Variants in ITGB3BP observed in about 807,000 individuals in gnomAD.
The protein encoded by ITGB3BP is integrin subunit beta 3 binding protein, also known as centromere protein R.
In ITGB3BP, 27 loss-of-function variants were observed where a neutral mutation model predicts 29.1. That is an observed-to-expected ratio of 0.93 (90% CI 0.68 to 1.28). The LOEUF is 1.28. Among genes scored for constraint, ITGB3BP ranks in the 50% most tolerant of loss-of-function variants. ITGB3BP has a pLI of 0.00. For missense variants in ITGB3BP, 192 were observed against 200.2 expected (o/e 0.96, Z 0.25); for synonymous variants, 61 against 61.4 (o/e 0.99, Z 0.03).
Position 63,454,853 on chromosome 1 carries a change from C to T in ITGB3BP, c.333+37G>A, listed in dbSNP as rs1644909515. The T allele has an allele frequency of 2.1e-6, 2 of 936,742 alleles. No individual in the cohort carries two copies. Among genetic ancestry groups the T allele is most frequent in the East Asian group, 2.4e-5 (1 of 40,936 alleles). The allele number at this position is 936,742 out of a possible 1,614,324, so 58.0% of individuals were successfully genotyped here. The stretch of plus-strand genomic sequence containing the variant: ...TCTGGGACACTTCTTTCATTTTATC[C>T]TTTTCAAACAGGGTAGAAGTATGAA... On this transcript the variant is annotated intron_variant, in intron 5 of 8. Coordinates refer to ENST00000271002, the MANE Select transcript of ITGB3BP (RefSeq NM_014288.5). This position sits in a 1 kb window ranked among gnomAD's most constrained non-coding sequence, Gnocchi z 4.1.
intron 4 of ITGB3BP, among the ~76,000 whole-genome samples, chr1:63,468,732 A>G (rs1399445509): frequency 6.6e-6 from 1 of 152,106 alleles, no homozygotes; most frequent in Non-Finnish European, 1.5e-5. Flanking sequence ...GTGGTTGCGC[A>G]TGCCTGTAAT....
intron 1 of ITGB3BP, among the ~76,000 whole-genome samples, chr1:63,517,381 T>A (rs886577417): frequency 2.0e-5 from 3 of 150,636 alleles, no homozygotes; most frequent in Non-Finnish European, 3.0e-5. Context: ...AGTATAATAA[T>A]AAAAAAATAA....
chr1:63,512,003 G>A (rs1394315944), intron 1 of ITGB3BP, among the ~76,000 whole-genome samples: 1 of 151,834 alleles, frequency 6.6e-6, no homozygotes, highest in South Asian at 2.1e-4. Context: ...TCTACTTATT[G>A]TGTCCTAATT....
At chr1:63,512,414 A>C (rs573381155) in intron 1 of ITGB3BP, among the ~76,000 whole-genome samples, 4 of 152,202 alleles carry the variant, frequency 2.6e-5, no homozygotes, top group Admixed American at 1.3e-4. Flanking sequence ...GGAAAAAAAA[A>C]CCCTATCATT....
chr1:63,513,732 T>A (rs1646251895), intron 1 of ITGB3BP, among the ~76,000 whole-genome samples: 1 of 152,124 alleles, frequency 6.6e-6, no homozygotes, highest in South Asian at 2.1e-4. Flanking sequence ...AATTTGAAAT[T>A]CCTCCATCCA....
At chr1:63,523,454 C>T (rs577497884), upstream of ITGB3BP, 5 of 436,372 alleles carry the variant, frequency 1.1e-5, no homozygotes, top group East Asian at 2.2e-4. Flanking sequence ...TCCGGATCAG[C>T]GCTTCCTAGA....
intron 2 of ITGB3BP, among the ~76,000 whole-genome samples, chr1:63,502,461 T>A (rs1645955497): frequency 6.6e-6 from 1 of 151,910 alleles, no homozygotes; most frequent in Non-Finnish European, 1.5e-5. Context: ...GCACTTACAG[T>A]TCCACAAGGC....
chr1:63,506,108 G>T (rs1181193828), intron 2 of ITGB3BP, among the ~76,000 whole-genome samples: 1 of 152,178 alleles, frequency 6.6e-6, no homozygotes, highest in East Asian at 1.9e-4. Context: ...AATGTTGACA[G>T]TGGGTTGTTA....
chr1:63,497,594 A>C (rs1311202948), intron 2 of ITGB3BP, among the ~76,000 whole-genome samples: 1 of 152,230 alleles, frequency 6.6e-6, no homozygotes, highest in Non-Finnish European at 1.5e-5. Context: ...AATGTATCTA[A>C]GTCACTCAGG....
chr1:63,487,550 C>G (rs929137961), intron 3 of ITGB3BP, among the ~76,000 whole-genome samples: 4 of 152,038 alleles, frequency 2.6e-5, no homozygotes, highest in African/African-American at 9.7e-5. Context: ...TAACCTACCA[C>G]ACACCTAGTG....
intron 1 of ITGB3BP, among the ~76,000 whole-genome samples, chr1:63,520,490 T>A (rs1646422211): frequency 6.6e-6 from 1 of 152,174 alleles, no homozygotes; most frequent in African/African-American, 2.4e-5. Context: ...GCAGCATTTA[T>A]CTAATTCATC....
At chr1:63,473,419 C>T (rs1570187223) in intron 4 of ITGB3BP, among the ~76,000 whole-genome samples, 1 of 142,756 alleles carries the variant, frequency 7.0e-6, no homozygotes. Context: ...GCCGCCCCTA[C>T]TGGGAAGTGA....
At chr1:63,447,554 T>C (rs780602916) in intron 7 of ITGB3BP, 3 of 483,886 alleles carry the variant, frequency 6.2e-6, no homozygotes, top group Non-Finnish European at 1.2e-5. Context: ...GATGAAGCAA[T>C]TTAGCTTTAC....
chr1:63,527,706 T>C (rs1375064029), upstream of ITGB3BP, among the ~76,000 whole-genome samples: 1 of 152,212 alleles, frequency 6.6e-6, no homozygotes, highest in Non-Finnish European at 1.5e-5. Context: ...TATCAATTTC[T>C]TAGCTATGGG....
At chr1:63,450,102 A>G (rs1355611085) in intron 7 of ITGB3BP, among the ~76,000 whole-genome samples, 1 of 151,968 alleles carries the variant, frequency 6.6e-6, no homozygotes, top group African/African-American at 2.4e-5. Context: ...GAATTTTACT[A>G]TGTAAGAATA....
chr1:63,446,672 G>T (rs1644794657), intron 8 of ITGB3BP, 134 bp downstream of exon 8: 1 of 660,368 alleles, frequency 1.5e-6, no homozygotes, highest in East Asian at 2.7e-5. Context: ...TTCAACTAAA[G>T]CTCCAAAGCT....
At chr1:63,516,894 A>G (rs1382647335) in intron 1 of ITGB3BP, among the ~76,000 whole-genome samples, 1 of 152,046 alleles carries the variant, frequency 6.6e-6, no homozygotes, top group African/African-American at 2.4e-5. Context: ...TTCGGGTACA[A>G]TGTTCACTAT....
chr1:63,491,691 A>G (rs1570249001), intron 2 of ITGB3BP, among the ~76,000 whole-genome samples: 1 of 152,298 alleles, frequency 6.6e-6, no homozygotes, highest in South Asian at 2.1e-4. Flanking sequence ...TTTACAGTTA[A>G]GATTTTAAAT....
intron 4 of ITGB3BP, among the ~76,000 whole-genome samples, chr1:63,460,611 A>G (rs1645001293): frequency 6.6e-6 from 1 of 152,194 alleles, no homozygotes; most frequent in Admixed American, 6.5e-5. Flanking sequence ...AAACATTGGT[A>G]TATAAATATC....
Sources: gnomAD v4.1 joint callset for allele counts (sites outside exome capture counted in the v4.1 genomes callset) on GRCh38, gnomAD v4.1.1 for gene constraint, Gnocchi (gnomAD v3.1) non-coding constraint, MANE v1.5 for transcripts, NCBI Gene and HGNC (gene_info 2026-07-23, HGNC 2026-07-21) for gene names.